The following WASF3 variants were observed in gnomAD, a reference collection of about 807,000 sequenced individuals.
WASF3 encodes the protein WASP family member 3, also known as actin-binding protein WASF3.
WASF3 carries 11 observed loss-of-function variants against 46.6 expected under a neutral mutation model. The ratio of observed to expected loss-of-function variants is 0.24; its 90% CI spans 0.15 to 0.39. The LOEUF is 0.39. Ranked by LOEUF, WASF3 falls within the 10% of genes least tolerant of loss-of-function variation. The pLI is 1.00. For missense variants in WASF3, 576 were observed against 669.8 expected, an observed-to-expected ratio of 0.86 and a Z score of 1.55; for synonymous variants, 242 against 259.7, an observed-to-expected ratio of 0.93 and a Z score of 0.65.
chr13:26,577,252 A>T (rs1358574200), intron 1 of WASF3: 2 of 736,978 alleles, frequency 2.7e-6, no homozygotes, highest in Admixed American at 1.8e-5. Flanking sequence ...ATTAAAGCTC[A>T]TGTTGATGTC....
At chr13:26,593,378 T>C (rs1880362284) in intron 1 of WASF3, among the ~76,000 whole-genome samples, 1 of 152,208 alleles carries the variant, frequency 6.6e-6, no homozygotes, top group Admixed American at 6.5e-5. Flanking sequence ...ATGCTGAAGA[T>C]CAAATCATAA....
At chr13:26,555,784 A>G (rs539352774), upstream of WASF3, among the ~76,000 whole-genome samples, 6 of 152,334 alleles carry the variant, frequency 3.9e-5, no homozygotes, top group African/African-American at 1.2e-4. Context: ...TGGTTTTGTG[A>G]TAAGAAGCAC....
At chr13:26,550,457 T>G in the WASF3 span, among the ~76,000 whole-genome samples, 2 of 152,198 alleles carry the variant, frequency 1.3e-5, no homozygotes, top group Non-Finnish European at 2.9e-5. Context: ...GAGGAATAAT[T>G]AAAACTCACT....
upstream of WASF3, among the ~76,000 whole-genome samples, chr13:26,555,590 T>C (rs1461031745): frequency 6.6e-6 from 1 of 152,136 alleles, no homozygotes; most frequent in Non-Finnish European, 1.5e-5. Flanking sequence ...CTTTTGCCCT[T>C]TACCCATCCC....
At chr13:26,634,009 C>T (rs974756149) in intron 2 of WASF3, among the ~76,000 whole-genome samples, 1 of 152,196 alleles carries the variant, frequency 6.6e-6, no homozygotes, top group Non-Finnish European at 1.5e-5. Context: ...ATTAGGTCCA[C>T]TTGGTGCAGA....
At chr13:26,545,546 T>TA in the WASF3 span, among the ~76,000 whole-genome samples, 5 of 152,214 alleles carry the variant, frequency 3.3e-5, no homozygotes, top group East Asian at 5.8e-4. Flanking sequence ...TTTCTAGATT[T>TA]AAAAAAAATC....
chr13:26,604,754 G>T (rs2137208591), intron 1 of WASF3, among the ~76,000 whole-genome samples: 1 of 152,280 alleles, frequency 6.6e-6, no homozygotes, highest in Non-Finnish European at 1.5e-5. Context: ...GTTTGGGCAA[G>T]AAAATCTTTT....
chr13:26,659,310 G>A (rs1327349288), intron 3 of WASF3, among the ~76,000 whole-genome samples: 2 of 152,184 alleles, frequency 1.3e-5, no homozygotes, highest in African/African-American at 4.8e-5. Context: ...GGGGATGCTT[G>A]GGTATGTCTG....
At chr13:26,551,666 T>G in the WASF3 span, among the ~76,000 whole-genome samples, 1 of 152,116 alleles carries the variant, frequency 6.6e-6, no homozygotes, top group South Asian at 2.1e-4. Flanking sequence ...GAGGTGAATT[T>G]GAGCTGCGTT....
intron 1 of WASF3, among the ~76,000 whole-genome samples, chr13:26,612,503 T>G (rs1414514892): frequency 2.6e-5 from 4 of 152,230 alleles, no homozygotes; most frequent in Non-Finnish European, 5.9e-5. Flanking sequence ...AGAATATTTA[T>G]AAAATGATCT....
chr13:26,561,970 TTCTC>T (rs1360395768), intron 1 of WASF3, among the ~76,000 whole-genome samples: 2 of 152,234 alleles, frequency 1.3e-5, no homozygotes, highest in African/African-American at 2.4e-5. Flanking sequence ...ATGCCATTTT[TTCTC>T]TCTATTAAAG....
chr13:26,668,963 T>G (rs1882849155), intron 5 of WASF3, among the ~76,000 whole-genome samples: 1 of 152,200 alleles, frequency 6.6e-6, no homozygotes. Flanking sequence ...AAACACAATG[T>G]AACATGTAGG....
At chr13:26,633,093 A>G (rs192949487) in intron 2 of WASF3, among the ~76,000 whole-genome samples, 2 of 151,130 alleles carry the variant, frequency 1.3e-5, no homozygotes, top group Admixed American at 6.6e-5. Context: ...CTAGTGGTCT[A>G]TCAATTTTGT....
Position 26,648,941 on chromosome 13 carries a change from G to A in WASF3, c.133+6538G>A, listed in dbSNP as rs139411724. Among the ~76,000 whole-genome samples the A allele has an allele frequency of 5.9e-3, 903 of 152,262 alleles. 6 individuals are homozygous for A. The highest frequency in any genetic ancestry group is 0.02 in the Middle Eastern group (6 of 294). On this transcript the variant is annotated intron_variant, in intron 3 of 9. Transcript: ENST00000335327. ...ATACTTTCTTAAGGGTATTGTAGAA[G>A]TAATTATTAGTTAGGTTTTTTATTT...
In WASF3 at chr13:26,682,822, C is replaced by T; in HGVS notation, c.1199C>T (p.Pro400Leu). The T allele has an allele frequency of 6.2e-7, 1 of 1,610,692 alleles. No homozygotes were observed. The highest frequency in any genetic ancestry group is 8.5e-7 in the Non-Finnish European group (1 of 1,179,754). Residue 400 changes from proline (P) to leucine (L), a missense_variant, in exon 9 of 10, where the codon CCA becomes CTA. Coordinates refer to ENST00000335327, the MANE Select transcript of WASF3 (RefSeq NM_006646.6). This position sits in a 1 kb window ranked among gnomAD's most constrained non-coding sequence, Gnocchi z 4.4. ...GTCACAGCCCCGCCACCCCCGGGCC[C>T]ACCACCTCCCCCGCCAGGCCCTCCT... Reference protein sequence around the residue: ...LLVTAPPPPGPPPPPPGPPGP... With the variant: ...LLVTAPPPPGLPPPPPGPPGP...
At chr13:26,656,653 A>G (rs1882475376) in intron 3 of WASF3, among the ~76,000 whole-genome samples, 1 of 152,130 alleles carries the variant, frequency 6.6e-6, no homozygotes, top group South Asian at 2.1e-4. Flanking sequence ...ACAAAAATTC[A>G]TCGTCAATAC....
In WASF3 at chr13:26,682,117, C is replaced by T. The variant is rs142505508; in HGVS notation, c.984-490C>T. ...GGAAGACCCTCGGCTGAATAGAATTCAGCAGATTTCTTGGCTGTGTGACTT... is the reference window on the plus strand; with the variant it reads ...GGAAGACCCTCGGCTGAATAGAATTTAGCAGATTTCTTGGCTGTGTGACTT... On this transcript the variant is annotated intron_variant, in intron 8 of 9. Coordinates refer to ENST00000335327, the MANE Select transcript of WASF3 (RefSeq NM_006646.6). This position sits in a 1 kb window ranked among gnomAD's most constrained non-coding sequence, Gnocchi z 4.4. 1.3e-5 allele frequency among the ~76,000 whole-genome samples: 2 copies of T among 152,324 alleles called. No individual in the cohort carries two copies. Among genetic ancestry groups the T allele is most frequent in the African/African-American group, 4.8e-5 (2 of 41,564 alleles).
chr13:26,575,058 G>C (rs576996654), intron 1 of WASF3, among the ~76,000 whole-genome samples: 17 of 152,166 alleles, frequency 1.1e-4, no homozygotes, highest in African/African-American at 3.9e-4. Flanking sequence ...GGATGGTCTC[G>C]ATCTCCTGAC....
At chr13:26,547,643 A>G in the WASF3 span, among the ~76,000 whole-genome samples, 2 of 152,096 alleles carry the variant, frequency 1.3e-5, no homozygotes, top group Admixed American at 1.3e-4. Context: ...CTCTCTTCTG[A>G]CTTTCTGCTG....
Sources: allele counts gnomAD v4.1 joint callset (sites outside exome capture counted in the v4.1 genomes callset), GRCh38; gene constraint gnomAD v4.1.1; non-coding constraint Gnocchi (gnomAD v3.1); transcripts MANE v1.5; gene names NCBI Gene and HGNC (gene_info 2026-07-23, HGNC 2026-07-21).